Variants in SYNM observed in about 807,000 individuals in gnomAD.
SYNM encodes the protein synemin.
In SYNM, 95 loss-of-function variants were observed where a neutral mutation model predicts 104.0. The observed-to-expected ratio is 0.91, with a 90% CI of 0.77 to 1.08. The LOEUF (loss-of-function observed/expected upper bound fraction) is 1.08, where lower values mean the gene tolerates loss of function less well. Among genes scored for constraint, SYNM ranks in the 50% least tolerant of loss-of-function variants. SYNM has a pLI of 0.00. For missense variants in SYNM, 2,150 were observed against 2,052.2 expected (o/e 1.05, Z -0.92); for synonymous variants, 918 against 869.0 (o/e 1.06, Z -0.99).
chr15:99,126,093 A>C (rs925164143), intron 2 of SYNM, among the ~76,000 whole-genome samples: 3 of 152,186 alleles, frequency 2.0e-5, no homozygotes, highest in Admixed American at 6.5e-5. Context: ...TGGGGGTGGC[A>C]TGGGGAGGGG....
chr15:99,115,451 TTTTA>T (rs1555483833), intron 2 of SYNM, among the ~76,000 whole-genome samples: 1 of 139,760 alleles, frequency 7.2e-6, no homozygotes, highest in Non-Finnish European at 1.5e-5. Flanking sequence ...TTAATTTTAA[TTTTA>T]TTTATTTTAT....
At chr15:99,111,548 C>T (rs2067299825) in intron 1 of SYNM, among the ~76,000 whole-genome samples, 1 of 152,174 alleles carries the variant, frequency 6.6e-6, no homozygotes, top group Admixed American at 6.6e-5. Context: ...TTTGTAATGC[C>T]AGCTGTGGGA....
chr15:99,138,033 G>GGGCCT (rs782445445), downstream of SYNM: 5 of 1,614,048 alleles, frequency 3.1e-6, no homozygotes, highest in Admixed American at 8.3e-5. Flanking sequence ...GTGCCGGGCC[G>GGGCCT]GGCCTTCCCC....
In SYNM at chr15:99,107,393, G is replaced by C. The variant is rs1180899323; in HGVS notation, c.810+1384G>C. Among the ~76,000 whole-genome samples the C allele has an allele frequency of 2.0e-5, 3 of 152,342 alleles. No individual in the cohort carries two copies. In the South Asian group the frequency reaches 6.2e-4, roughly 32 times the overall value. ...TGGCATTCATGGAGATTTGACCAGT[G>C]GTTATTTTGACTCTCCAAAAAGGAG... is the stretch of plus-strand genomic sequence containing the variant. On this transcript the variant is annotated intron_variant, in intron 1 of 3. Coordinates refer to ENST00000336292, the MANE Select transcript of SYNM (RefSeq NM_145728.3).
At chr15:99,128,507 C>T (rs1011105010) in intron 3 of SYNM, among the ~76,000 whole-genome samples, 1 of 152,220 alleles carries the variant, frequency 6.6e-6, no homozygotes, top group Admixed American at 6.5e-5. Context: ...CAAAGGAGGC[C>T]TCTGGCCTTG....
At position 99,133,363 on chromosome 15, in the gene SYNM, T is replaced by C. The variant is rs147964631; in HGVS notation, c.*305T>C. 2.6e-4 allele frequency: 93 copies of C among 360,352 alleles called. No homozygotes were observed. Among genetic ancestry groups the C allele is most frequent in the Non-Finnish European group, 4.4e-4 (87 of 198,622 alleles). The allele number at this position is 360,352 out of a possible 1,614,324, so 22.3% of individuals were successfully genotyped here. On this transcript the variant is annotated 3_prime_UTR_variant, in exon 4 of 4. Coordinates refer to ENST00000336292, the MANE Select transcript of SYNM (RefSeq NM_145728.3). ...TATGTTTTGCACCTGGTCACAGACA[T>C]GGCTTGCATCTGTTTGAAACTACAA... is the stretch of plus-strand genomic sequence containing the variant.
chr15:99,119,128 C>T (rs1382298015), intron 2 of SYNM, among the ~76,000 whole-genome samples: 7 of 152,098 alleles, frequency 4.6e-5, no homozygotes, highest in South Asian at 4.2e-4. Context: ...GAAACATGCT[C>T]GGGGACAGGG....
chr15:99,129,862 A>C lies in SYNM; in HGVS notation c.1502A>C (p.Glu501Ala). 1 of 1,613,700 alleles carries C rather than the reference A, an allele frequency of 6.2e-7. No individual in the cohort carries two copies. Among genetic ancestry groups the C allele is most frequent in the Middle Eastern group, 1.6e-4 (1 of 6,062 alleles). Residue 501 changes from glutamate (E) to alanine (A), a missense_variant, in exon 4 of 4, where the codon GAA becomes GCA. Coordinates refer to ENST00000336292, the MANE Select transcript of SYNM (RefSeq NM_145728.3). ...ACCGTCATTCTGGGAAAGAAAACAG[A>C]AGTGAAAGCCACGAGGGAGCAAGAA... ...ERTVILGKKT[E>A]VKATREQERN...
intron 1 of SYNM, among the ~76,000 whole-genome samples, chr15:99,109,971 C>T (rs921107251): frequency 6.6e-6 from 1 of 152,174 alleles, no homozygotes; most frequent in Non-Finnish European, 1.5e-5. Flanking sequence ...AGTGGAATCA[C>T]TGTTGCTGCT....
In SYNM at chr15:99,130,431, A is replaced by G. The variant is rs373129395; in HGVS notation, c.2071A>G (p.Lys691Glu). Reference sequence around the variant, plus strand: ...AAAGACTGAAATAGTTGTGGAGTCTAAACTGACTGAGGATGTTGATGTTTC... The same window carrying G: ...AAAGACTGAAATAGTTGTGGAGTCTGAACTGACTGAGGATGTTGATGTTTC... ...KTKTEIVVES[K>E]LTEDVDVSDE... is the part of the protein sequence containing the mutation. The change falls in exon 4 of 4, where the codon AAA (lysine) becomes GAA (glutamate). Residue 691 changes from lysine to glutamate, a missense_variant. Transcript: ENST00000336292. The G allele has an allele frequency of 1.9e-4, 299 of 1,613,790 alleles. No individual in the cohort carries two copies. The highest frequency in any genetic ancestry group is 2.3e-4 in the Non-Finnish European group (273 of 1,179,906).
intron 3 of SYNM, among the ~76,000 whole-genome samples, chr15:99,127,909 C>G (rs1180321789): frequency 6.6e-6 from 1 of 152,168 alleles, no homozygotes; most frequent in Non-Finnish European, 1.5e-5. Context: ...GACCAACAGT[C>G]TAAGCCAGGG....
At chr15:99,126,140 T>A (rs782086543) in intron 2 of SYNM, among the ~76,000 whole-genome samples, 2 of 152,162 alleles carry the variant, frequency 1.3e-5, no homozygotes, top group Non-Finnish European at 1.5e-5. Context: ...ACCTTTTCCG[T>A]CTGCCTGCCT....
chr15:99,129,919 C>G lies in SYNM; in HGVS notation c.1559C>G (p.Pro520Arg). 6.2e-7 allele frequency: 1 copy of G among 1,612,374 alleles called. No homozygotes were observed. The highest frequency in any genetic ancestry group is 8.5e-7 in the Non-Finnish European group (1 of 1,179,074). ...RNRPETIRTK[P>R]EEKMFDSKEK... ...AGACCAGAAACCATCCGAACAAAGC[C>G]AGAAGAGAAAATGTTCGATTCTAAA... The change falls in exon 4 of 4, where the codon CCA (proline) becomes CGA (arginine). Residue 520 changes from proline to arginine, a missense_variant. Physicochemically the swap from Pro to Arg is moderately radical, Grantham distance 103. Transcript: ENST00000336292.
At chr15:99,107,949 TTG>T (rs200857144) in intron 1 of SYNM, among the ~76,000 whole-genome samples, 14 of 122,162 alleles carry the variant, frequency 1.1e-4, no homozygotes, top group African/African-American at 3.5e-4. Context: ...GTTTTTTGTT[TTG>T]TTTTTTTTTT....
intron 2 of SYNM, among the ~76,000 whole-genome samples, chr15:99,118,877 C>T (rs546148830): frequency 6.6e-6 from 1 of 152,312 alleles, no homozygotes; most frequent in Admixed American, 6.5e-5. Flanking sequence ...CCATCCCTCC[C>T]TTTCCTCCTG....
chr15:99,109,162 C>T (rs2067277103), intron 1 of SYNM, among the ~76,000 whole-genome samples: 1 of 152,070 alleles, frequency 6.6e-6, no homozygotes, highest in Non-Finnish European at 1.5e-5. Context: ...CCAGATGGCC[C>T]ATGCGCCTTC....
chr15:99,107,258 C>T (rs1354758463), intron 1 of SYNM, among the ~76,000 whole-genome samples: 1 of 152,180 alleles, frequency 6.6e-6, no homozygotes, highest in Admixed American at 6.5e-5. Context: ...CAGTGTGTAC[C>T]GATTTCCACT....
At position 99,115,530 on chromosome 15, in the gene SYNM, G is replaced by A. The variant is rs572501962; in HGVS notation, c.935+1815G>A. Among the ~76,000 whole-genome samples, 447 of 144,086 alleles carry A rather than the reference G, an allele frequency of 3.1e-3. 3 individuals carry two copies. The highest frequency in any genetic ancestry group is 0.01 in the African/African-American group (392 of 38,592). 94.5% of individuals were successfully genotyped at this position (144,086 alleles called of 152,430 possible). On this transcript the variant is annotated intron_variant, in intron 2 of 3. Transcript: ENST00000336292. The stretch of plus-strand genomic sequence containing the variant: ...CCTAGGCTGGCATGCAGTGGCACGA[G>A]CTCAGCTCACTGCAACCTCCGCCTC...
chr15:99,121,497 C>A (rs1198661517), intron 2 of SYNM, among the ~76,000 whole-genome samples: 3 of 152,166 alleles, frequency 2.0e-5, no homozygotes, highest in East Asian at 3.9e-4. Context: ...CTGTCACTCG[C>A]TGCAGGCTAG....
Sources: allele counts gnomAD v4.1 joint callset (sites outside exome capture counted in the v4.1 genomes callset), GRCh38; gene constraint gnomAD v4.1.1; transcripts MANE v1.5; gene names NCBI Gene and HGNC (gene_info 2026-07-23, HGNC 2026-07-21).